FAM20C: variants seen among roughly 807,000 people sequenced by gnomAD.
FAM20C encodes extracellular serine/threonine protein kinase FAM20C.
A neutral mutation model predicts 51.5 loss-of-function variants in FAM20C; 40 were observed. That is an observed-to-expected ratio of 0.78 (90% CI 0.60 to 1.01). The LOEUF (loss-of-function observed/expected upper bound fraction) is 1.01, where lower values mean the gene tolerates loss of function less well. Among genes scored for constraint, FAM20C ranks in the 50% least tolerant of loss-of-function variants. The pLI, the probability that FAM20C is intolerant of heterozygous loss-of-function variation, is 0.00. For missense variants in FAM20C, 861 were observed against 844.7 expected (o/e 1.02, Z -0.24); for synonymous variants, 406 against 380.6 (o/e 1.07, Z -0.78).
chr7:208,830 C>T (rs1029280548), intron 2 of FAM20C, 68 bp from the exon 3 acceptor site: 27 of 1,482,634 alleles, frequency 1.8e-5, no homozygotes, highest in African/African-American at 8.4e-5. Context: ...CAAGAGCCCT[C>T]GTCCGCACAG....
In FAM20C at chr7:260,199, A is replaced by G; in HGVS notation, c.*219A>G. Reference sequence around the variant, plus strand: ...TGGGAAGGAAGCGCTGTCTGTGCTCACGGACAGAGGCGGCCGGCGCCGGAG... The same window carrying G: ...TGGGAAGGAAGCGCTGTCTGTGCTCGCGGACAGAGGCGGCCGGCGCCGGAG... On this transcript the variant is annotated 3_prime_UTR_variant, in exon 10 of 10. Transcript: ENST00000313766. The G allele has an allele frequency of 1.6e-6, 1 of 606,078 alleles. No individual in the cohort carries two copies. Among genetic ancestry groups the G allele is most frequent in the South Asian group, 3.9e-5 (1 of 25,740 alleles). 37.5% of individuals were successfully genotyped at this position (606,078 alleles called of 1,614,324 possible). A position where few individuals can be genotyped will look rare whatever the true frequency, so the allele number is the denominator to read the frequency against.
intron 3 of FAM20C, among the ~76,000 whole-genome samples, chr7:229,929 G>A (rs1029710621): frequency 2.0e-5 from 3 of 152,060 alleles, no homozygotes; most frequent in African/African-American, 7.2e-5. Context: ...CTAGTTTTGG[G>A]CCTCCCTGAG....
intron 3 of FAM20C, among the ~76,000 whole-genome samples, chr7:230,382 G>GC (rs1554253384): frequency 0.021 from 1,246 of 59,314 alleles, 188 homozygotes; most frequent in African/African-American, 0.052. Flanking sequence ...TGGGGGGGGG[G>GC]GGGAACAGAT....
At chr7:228,879 C>T (rs530464761) in intron 3 of FAM20C, 9 of 446,594 alleles carry the variant, frequency 2.0e-5, no homozygotes, top group East Asian at 1.4e-4. Context: ...GAGGGTCCCA[C>T]GCTGGGGATT....
chr7:248,830 C>T (rs547203430), intron 5 of FAM20C, among the ~76,000 whole-genome samples: 1,381 of 107,746 alleles, frequency 0.013, 7 homozygotes, highest in Middle Eastern at 0.061. Flanking sequence ...CATCTCTCCA[C>T]GTAGCCTGGC....
chr7:214,534 G>A (rs1040554664), intron 3 of FAM20C, among the ~76,000 whole-genome samples: 12 of 152,180 alleles, frequency 7.9e-5, no homozygotes, highest in African/African-American at 2.2e-4. Context: ...CACGGTCAGC[G>A]GAACGGTGCG....
intron 3 of FAM20C, among the ~76,000 whole-genome samples, chr7:241,023 C>T (rs1787931663): frequency 6.6e-6 from 1 of 152,164 alleles, no homozygotes; most frequent in Admixed American, 6.5e-5. Context: ...GGTGAGGTTT[C>T]TGCACTGATT....
chr7:206,557 GCGTCGGT>G (rs1786402090), intron 2 of FAM20C, among the ~76,000 whole-genome samples: 25 of 55,712 alleles, frequency 4.5e-4, no homozygotes, highest in East Asian at 1.4e-3. Context: ...CCACTGTGAC[GCGTCGGT>G]CACTGTCCCC....
chr7:218,433 C>T (rs147747441), intron 3 of FAM20C, among the ~76,000 whole-genome samples: 4 of 152,240 alleles, frequency 2.6e-5, no homozygotes, highest in Non-Finnish European at 5.9e-5. Flanking sequence ...GGTGTGGCCC[C>T]TCTGACGGGA....
At chr7:243,951 A>G in intron 3 of FAM20C, among the ~76,000 whole-genome samples, 1 of 147,652 alleles carries the variant, frequency 6.8e-6, no homozygotes, top group Non-Finnish European at 1.5e-5. Flanking sequence ...AATAATTATT[A>G]TTATTATTAT....
At chr7:252,897 G>A (rs764300561) in intron 5 of FAM20C, among the ~76,000 whole-genome samples, 20 of 152,238 alleles carry the variant, frequency 1.3e-4, no homozygotes, top group Non-Finnish European at 2.4e-4. Context: ...CCGTCTGCAC[G>A]TTGCAAACGT....
chr7:216,375 A>C (rs1681284153), intron 3 of FAM20C, among the ~76,000 whole-genome samples: 5 of 23,846 alleles, frequency 2.1e-4, no homozygotes, highest in Admixed American at 5.3e-4. Flanking sequence ...TGGGGGGAGC[A>C]GGGCCCGTGG....
At chr7:202,246 T>C (rs2115052611) in intron 2 of FAM20C, among the ~76,000 whole-genome samples, 1 of 152,146 alleles carries the variant, frequency 6.6e-6, no homozygotes. Flanking sequence ...TGTGGACATC[T>C]TCCCGTGTGC....
At chr7:220,725 G>C (rs1787223995) in intron 3 of FAM20C, among the ~76,000 whole-genome samples, 1 of 152,194 alleles carries the variant, frequency 6.6e-6, no homozygotes, top group Non-Finnish European at 1.5e-5. Flanking sequence ...CCGGAGGGAG[G>C]GCGGGACCCG....
At chr7:255,024 T>G (rs139596647) in intron 5 of FAM20C, among the ~76,000 whole-genome samples, 4,128 of 152,334 alleles carry the variant, frequency 0.027, 72 homozygotes, top group Middle Eastern at 0.037. Context: ...TCTCTCTTTT[T>G]CGGCTGTGGT....
At chr7:250,666 C>A (rs1788361261) in intron 5 of FAM20C, among the ~76,000 whole-genome samples, 1 of 152,168 alleles carries the variant, frequency 6.6e-6, no homozygotes, top group Non-Finnish European at 1.5e-5. Context: ...TTGGGTCGAC[C>A]CTGACCGCAC....
chr7:214,642 G>A (rs371030535), intron 3 of FAM20C, among the ~76,000 whole-genome samples: 9 of 152,106 alleles, frequency 5.9e-5, no homozygotes, highest in Non-Finnish European at 1.3e-4. Context: ...GGAACTCAGC[G>A]TACCCATCTG....
In FAM20C at chr7:258,537, C is replaced by A. The variant is rs549076310; in HGVS notation, c.1446-109C>A. On this transcript the variant is annotated intron_variant, in intron 8 of 9. Transcript: ENST00000313766. ...GGAGATGGGCTGGGTGGACCCACTG[C>A]CTGGGGTGTCGGGTACAGGCAGGTG... is the stretch of plus-strand genomic sequence containing the variant. The A allele has an allele frequency of 1.2e-4, 139 of 1,124,602 alleles. No individual in the cohort carries two copies. The African/African-American group carries it at 2.0e-3, about 16-fold the overall frequency. The allele number at this position is 1,124,602 out of a possible 1,614,324, so 69.7% of individuals were successfully genotyped here. A position where few individuals can be genotyped will look rare whatever the true frequency, so the allele number is the denominator to read the frequency against.
chr7:214,440 C>T lies in FAM20C; in HGVS notation c.863+5464C>T, dbSNP rs57285834. ...CCAATTTAGTTACTTTTGTTATTCT[C>T]GTGCTTTTGGTGTAATTACGTTTGA... On this transcript the variant is annotated intron_variant, in intron 3 of 9. Transcript: ENST00000313766. 4.8e-3 allele frequency among the ~76,000 whole-genome samples: 733 copies of T among 152,322 alleles called. 10 individuals carry two copies. Among genetic ancestry groups the T allele is most frequent in the African/African-American group, 0.016 (673 of 41,554 alleles).
Sources: gnomAD v4.1 joint callset for allele counts (sites outside exome capture counted in the v4.1 genomes callset) on GRCh38, gnomAD v4.1.1 for gene constraint, MANE v1.5 for transcripts, NCBI Gene and HGNC (gene_info 2026-07-23, HGNC 2026-07-21) for gene names.